Variants in SOCS7 observed in about 807,000 individuals in gnomAD.
SOCS7 encodes the protein suppressor of cytokine signaling 7.
Under a neutral mutation model 58.9 loss-of-function variants are expected in SOCS7, and 18 were observed. That is an observed-to-expected ratio of 0.31 (90% CI 0.21 to 0.45). The LOEUF is 0.45. Among genes scored for constraint, SOCS7 ranks in the 20% least tolerant of loss-of-function variants. SOCS7 has a pLI of 1.00. For synonymous variants in SOCS7, 388 were observed against 364.3 expected (o/e 1.06, Z -0.74); for missense variants, 667 against 837.3 (o/e 0.80, Z 2.51).
chr17:38,354,374 C>G (rs2037604686), intron 1 of SOCS7, among the ~76,000 whole-genome samples: 1 of 152,168 alleles, frequency 6.6e-6, no homozygotes, highest in Non-Finnish European at 1.5e-5. Context: ...AAAAGCTCCC[C>G]AGTTGATCCT....
In SOCS7 at chr17:38,364,683, TC is replaced by T; in HGVS notation, c.1046-66del. On this transcript the variant is annotated intron_variant, in intron 2 of 9. Coordinates refer to ENST00000612932, the MANE Select transcript of SOCS7 (RefSeq NM_014598.4). The stretch of plus-strand genomic sequence containing the variant: ...CAGCCTCGCCTGCTTGCCCTTTGCT[TC>T]CCTTTGCTTTCTGCATCAGCTTTGG... The T allele has an allele frequency of 2.3e-6, 3 of 1,318,894 alleles. No individual in the cohort carries two copies. The South Asian group carries it at 3.5e-5, about 16-fold the overall frequency. The allele number at this position is 1,318,894 out of a possible 1,614,324, so 81.7% of individuals were successfully genotyped here. A position where few individuals can be genotyped will look rare whatever the true frequency, so the allele number is the denominator to read the frequency against.
At chr17:38,364,932 C>T (rs1057084501) in intron 3 of SOCS7, 76 bp downstream of exon 3, 21 of 1,109,738 alleles carry the variant, frequency 1.9e-5, no homozygotes, top group South Asian at 2.7e-5. Context: ...TGCTGGGGGC[C>T]GACCACGCTT....
chr17:38,353,044 C>G lies in SOCS7; in HGVS notation c.980+12C>G. 6.4e-7 allele frequency: 1 copy of G among 1,554,914 alleles called. No individual in the cohort carries two copies. The highest frequency in any genetic ancestry group is 8.7e-7 in the Non-Finnish European group (1 of 1,155,376). ...CTGGACGCGGGGAGGTGAGACCGGC[C>G]GGGGGCTGGCCGACAAACTTCCTTT... On this transcript the variant is annotated intron_variant, in intron 1 of 9. Coordinates refer to ENST00000612932, the MANE Select transcript of SOCS7 (RefSeq NM_014598.4).
intron 6 of SOCS7, among the ~76,000 whole-genome samples, chr17:38,368,975 G>A (rs907299038): frequency 1.2e-4 from 18 of 152,194 alleles, no homozygotes; most frequent in African/African-American, 4.3e-4. Flanking sequence ...TACTTCATGT[G>A]CCAGTCATGC....
At chr17:38,368,257 A>G (rs1235514079) in intron 6 of SOCS7, among the ~76,000 whole-genome samples, 4 of 152,206 alleles carry the variant, frequency 2.6e-5, no homozygotes, top group African/African-American at 9.6e-5. Context: ...GGTTCCATTT[A>G]AAAGTCTTGT....
At chr17:38,399,484 GT>G (rs1368171062) in intron 9 of SOCS7, 28 bp from the exon 10 acceptor site, 1 of 152,506 alleles carries the variant, frequency 6.6e-6, no homozygotes, top group Non-Finnish European at 1.5e-5. Flanking sequence ...CTGTTGAACT[GT>G]TTTAATTTTT....
At chr17:38,378,904 T>C (rs1002320047) in intron 7 of SOCS7, among the ~76,000 whole-genome samples, 1 of 152,078 alleles carries the variant, frequency 6.6e-6, no homozygotes, top group Non-Finnish European at 1.5e-5. Context: ...ACTGTAATAA[T>C]CCCAGTACTT....
At chr17:38,372,018 T>C (rs577067338) in intron 6 of SOCS7, among the ~76,000 whole-genome samples, 1 of 152,230 alleles carries the variant, frequency 6.6e-6, no homozygotes, top group African/African-American at 2.4e-5. Flanking sequence ...TTCCTGTCTT[T>C]CCTCGACTAT....
intron 7 of SOCS7, among the ~76,000 whole-genome samples, chr17:38,387,137 A>G (rs1341762470): frequency 2.7e-4 from 31 of 116,620 alleles, no homozygotes; most frequent in East Asian, 1.4e-3. Flanking sequence ...ATGTATGTAT[A>G]TATATATATA....
At chr17:38,357,412 A>T (rs1555566955) in intron 1 of SOCS7, among the ~76,000 whole-genome samples, 1 of 151,702 alleles carries the variant, frequency 6.6e-6, no homozygotes, top group Non-Finnish European at 1.5e-5. Context: ...TCCTGGGCTT[A>T]AAAAAAAATC....
chr17:38,352,469 A>C lies in SOCS7; in HGVS notation c.417A>C (p.Thr139=). The change falls in exon 1 of 10, where the codon ACA becomes ACC. Residue 139 remains threonine, a synonymous_variant. Coordinates refer to ENST00000612932, the MANE Select transcript of SOCS7 (RefSeq NM_014598.4). The surrounding 1 kb of genome is among the most constrained non-coding windows in gnomAD (Gnocchi z 5.5). ...LGQPAGPGVK[T]VGGGCCPCPC... Reference sequence around the variant, plus strand: ...AGCCGGCGGGGCCGGGGGTCAAGACAGTCGGTGGGGGTTGCTGCCCGTGTC... The same window carrying C: ...AGCCGGCGGGGCCGGGGGTCAAGACCGTCGGTGGGGGTTGCTGCCCGTGTC... 4 of 1,508,764 alleles carry C rather than the reference A, an allele frequency of 2.7e-6. No homozygotes were observed. Among genetic ancestry groups the C allele is most frequent in the Non-Finnish European group, 3.5e-6 (4 of 1,128,288 alleles). The allele number at this position is 1,508,764 out of a possible 1,614,324, so 93.5% of individuals were successfully genotyped here.
intron 2 of SOCS7, among the ~76,000 whole-genome samples, chr17:38,363,205 A>G (rs1030184477): frequency 3.9e-5 from 6 of 152,098 alleles, no homozygotes; most frequent in African/African-American, 1.4e-4. Context: ...GTGCTCTACC[A>G]ATAGTCTAGA....
intron 7 of SOCS7, among the ~76,000 whole-genome samples, chr17:38,387,105 AT>A (rs1423919025): frequency 0.071 from 3,164 of 44,448 alleles, 83 homozygotes; most frequent in East Asian, 0.1. Flanking sequence ...AAAAAAAAAT[AT>A]ATATATATAT....
At chr17:38,389,787 T>G (rs563721987) in intron 7 of SOCS7, among the ~76,000 whole-genome samples, 212 of 133,448 alleles carry the variant, frequency 1.6e-3, no homozygotes, top group Non-Finnish European at 2.9e-3. Context: ...GACTTAAACT[T>G]TTAGCTTTTA....
At chr17:38,384,749 C>T (rs1567748010) in intron 7 of SOCS7, among the ~76,000 whole-genome samples, 1 of 152,004 alleles carries the variant, frequency 6.6e-6, no homozygotes, top group Non-Finnish European at 1.5e-5. Context: ...CACACCACCA[C>T]ACCTGGCTAA....
At chr17:38,379,198 G>A (rs1373357873) in intron 7 of SOCS7, among the ~76,000 whole-genome samples, 1 of 151,050 alleles carries the variant, frequency 6.6e-6, no homozygotes, top group Non-Finnish European at 1.5e-5. Context: ...AAAAAACAAG[G>A]CAGGGGTTGG....
chr17:38,396,310 G>A (rs1365148315), intron 9 of SOCS7, among the ~76,000 whole-genome samples: 1 of 152,128 alleles, frequency 6.6e-6, no homozygotes, highest in Non-Finnish European at 1.5e-5. Context: ...GAGGGTAATT[G>A]AAAAAAATAA....
At chr17:38,398,591 G>C (rs2038275190) in intron 9 of SOCS7, among the ~76,000 whole-genome samples, 1 of 152,126 alleles carries the variant, frequency 6.6e-6, no homozygotes, top group Non-Finnish European at 1.5e-5. Flanking sequence ...ATGACTTCTT[G>C]TTGTTCAGGC....
rs2038359621 is a variant in SOCS7 at position 38,404,176 on chromosome 17, T to G, written c.*4694T>G. 1 of 152,158 alleles carries G rather than the reference T, an allele frequency of 6.6e-6. No homozygotes were observed. Among genetic ancestry groups the G allele is most frequent in the Admixed American group, 6.5e-5 (1 of 15,268 alleles). 9.4% of individuals were successfully genotyped at this position (152,158 alleles called of 1,614,324 possible). A position where few individuals can be genotyped will look rare whatever the true frequency, so the allele number is the denominator to read the frequency against. On this transcript the variant is annotated 3_prime_UTR_variant, in exon 10 of 10. Coordinates refer to ENST00000612932, the MANE Select transcript of SOCS7 (RefSeq NM_014598.4). ...GTCTTGGGAGCAGTGAAATGGGGGT[T>G]GGATCATAGAGACAGGCGCTGGGGA...
Sources: allele counts gnomAD v4.1 joint callset (sites outside exome capture counted in the v4.1 genomes callset), GRCh38; gene constraint gnomAD v4.1.1; non-coding constraint Gnocchi (gnomAD v3.1); transcripts MANE v1.5; gene names NCBI Gene and HGNC (gene_info 2026-07-23, HGNC 2026-07-21).